The following BRINP1 variants were observed in gnomAD, a reference collection of about 807,000 sequenced individuals.
The protein encoded by BRINP1 is BMP/retinoic acid-inducible neural-specific protein 1.
Under a neutral mutation model 72.9 loss-of-function variants are expected in BRINP1, and 17 were observed. The ratio of observed to expected loss-of-function variants is 0.23; its 90% CI spans 0.16 to 0.35. The LOEUF (loss-of-function observed/expected upper bound fraction) is 0.35. BRINP1 is among the 10% of genes least tolerant of loss of function. The pLI is 1.00. For missense variants in BRINP1, 850 were observed against 1,001.6 expected (o/e 0.85, Z 2.04); for synonymous variants, 418 against 378.5 (o/e 1.10, Z -1.21).
At chr9:119,183,916 T>C (rs568170657) in intron 7 of BRINP1, among the ~76,000 whole-genome samples, 32 of 152,230 alleles carry the variant, frequency 2.1e-4, no homozygotes, top group African/African-American at 6.5e-4. Context: ...CGTGAGTTTG[T>C]TGGCAGGACG....
At chr9:119,218,767 C>A in intron 5 of BRINP1, among the ~76,000 whole-genome samples, 1 of 110,854 alleles carries the variant, frequency 9.0e-6, no homozygotes. Flanking sequence ...TTTTTTTTGG[C>A]TATGAGGTTG....
intron 2 of BRINP1, among the ~76,000 whole-genome samples, chr9:119,296,213 T>C (rs1411897087): frequency 6.6e-6 from 1 of 152,136 alleles, no homozygotes; most frequent in African/African-American, 2.4e-5. Flanking sequence ...AATAACTCGA[T>C]GTAAAAATGG....
At chr9:119,169,468 C>A (rs997719775) in intron 7 of BRINP1, among the ~76,000 whole-genome samples, 4 of 152,244 alleles carry the variant, frequency 2.6e-5, no homozygotes, top group African/African-American at 7.2e-5. Flanking sequence ...CCGCACCTGG[C>A]TCGGAGGGTC....
chr9:119,301,956 A>T (rs1446250119), intron 2 of BRINP1, among the ~76,000 whole-genome samples: 1 of 152,196 alleles, frequency 6.6e-6, no homozygotes, highest in African/African-American at 2.4e-5. Flanking sequence ...AACAGAAGTG[A>T]TCTTTGTAAG....
intron 7 of BRINP1, among the ~76,000 whole-genome samples, chr9:119,172,512 C>T (rs1213305646): frequency 1.3e-5 from 2 of 151,512 alleles, no homozygotes; most frequent in Admixed American, 1.3e-4. Context: ...CAAAAAGAGT[C>T]CAGGACCAGA....
intron 1 of BRINP1, among the ~76,000 whole-genome samples, chr9:119,366,512 G>A (rs879838300): frequency 0.27 from 5,403 of 19,752 alleles, 316 homozygotes; most frequent in South Asian, 0.5. Context: ...CCGTGTGTGT[G>A]TGTGTGTGTG....
intron 5 of BRINP1, among the ~76,000 whole-genome samples, chr9:119,226,924 C>A (rs930170791): frequency 1.3e-5 from 2 of 151,930 alleles, no homozygotes; most frequent in African/African-American, 4.8e-5. Context: ...AGAATACCAG[C>A]ACTGAGTGGA....
intron 2 of BRINP1, among the ~76,000 whole-genome samples, chr9:119,311,420 A>G (rs1157791364): frequency 1.3e-5 from 2 of 152,244 alleles, no homozygotes; most frequent in South Asian, 4.1e-4. Context: ...TAAATCATAC[A>G]TGAAATCTTA....
At position 119,205,218 on chromosome 9, in the gene BRINP1, C is replaced by T. The variant is rs1441795238; in HGVS notation, c.1145+3501G>A. 2.0e-5 allele frequency among the ~76,000 whole-genome samples: 3 copies of T among 152,264 alleles called. No individual in the cohort carries two copies. The East Asian group carries it at 5.8e-4, about 29-fold the overall frequency. On this transcript the variant is annotated intron_variant, in intron 7 of 7. Transcript: ENST00000265922. Reference sequence around the variant, plus strand: ...AGGAAGTTCATCTCTCCTGGGAAGGCTTCAGAGGAATTAGCCACAGAGCCT... The same window carrying T: ...AGGAAGTTCATCTCTCCTGGGAAGGTTTCAGAGGAATTAGCCACAGAGCCT...
chr9:119,280,531 A>G (rs528246862), intron 2 of BRINP1, among the ~76,000 whole-genome samples: 109 of 152,072 alleles, frequency 7.2e-4, no homozygotes, highest in African/African-American at 2.5e-3. Flanking sequence ...GGTGTGAGCT[A>G]CCGCACCCAG....
chr9:119,168,177 T>TTAC lies in BRINP1; in HGVS notation c.1190_1192dup (p.Cys397_Asn398insSer). On this transcript the variant is annotated inframe_insertion, in exon 8 of 8. Coordinates refer to ENST00000265922, the MANE Select transcript of BRINP1 (RefSeq NM_014618.3). ...GAAGGTTCCCCAAAACCCATTCTCA[T>TTAC]TACAGTAGAGGAGTGACTGGACCCT... 6.4e-7 allele frequency: 1 copy of TTAC among 1,566,648 alleles called. No homozygotes were observed. Among genetic ancestry groups the TTAC allele is most frequent in the Non-Finnish European group, 8.7e-7 (1 of 1,155,014 alleles).
chr9:119,302,822 T>C (rs1037150032), intron 2 of BRINP1, among the ~76,000 whole-genome samples: 1 of 152,108 alleles, frequency 6.6e-6, no homozygotes, highest in African/African-American at 2.4e-5. Context: ...TTTTGCACTA[T>C]TACTCCATTT....
chr9:119,276,772 A>G (rs1830661403), intron 2 of BRINP1, among the ~76,000 whole-genome samples: 1 of 152,118 alleles, frequency 6.6e-6, no homozygotes, highest in African/African-American at 2.4e-5. Flanking sequence ...TTCCTTCCAA[A>G]GCAGATTTAA....
intron 1 of BRINP1, among the ~76,000 whole-genome samples, chr9:119,341,593 G>A (rs749840897): frequency 2.0e-5 from 3 of 152,102 alleles, no homozygotes; most frequent in Non-Finnish European, 2.9e-5. Flanking sequence ...TACAGTGTGC[G>A]GTGATGCCAG....
rs771737447 is a variant in BRINP1, at chr9:119,213,983, C to T, written c.858G>A (p.Met286Ile). 1.2e-6 allele frequency: 2 copies of T among 1,614,212 alleles called. No individual in the cohort carries two copies. Among genetic ancestry groups the T allele is most frequent in the Non-Finnish European group, 1.7e-6 (2 of 1,180,034 alleles). ...CNCPITDIQI[M>I]EYTLANMAKS... is the part of the protein sequence containing the mutation. The stretch of plus-strand genomic sequence containing the variant: ...TGGCCATGTTGGCCAGCGTGTACTC[C>T]ATGATCTGGATGTCCGTGATGGGGC... Residue 286 changes from methionine to isoleucine, a missense_variant, in exon 6 of 8, where the codon ATG (methionine) becomes ATA (isoleucine). Met to Ile is a conservative substitution (Grantham distance 10, BLOSUM62 1). Transcript: ENST00000265922.
chr9:119,260,637 C>CATAT (rs1830486383), intron 2 of BRINP1, among the ~76,000 whole-genome samples: 1 of 152,230 alleles, frequency 6.6e-6, no homozygotes, highest in Non-Finnish European at 1.5e-5. Context: ...TGTTTACCCA[C>CATAT]ATAGCCTTCT....
At chr9:119,321,525 C>T (rs1176047127) in intron 1 of BRINP1, among the ~76,000 whole-genome samples, 1 of 152,134 alleles carries the variant, frequency 6.6e-6, no homozygotes, top group Non-Finnish European at 1.5e-5. Flanking sequence ...CAGGGTCTCA[C>T]TCTATTTCCC....
At chr9:119,367,228 A>ATATATATATATATATATATATATATC (rs1831703950) in intron 1 of BRINP1, among the ~76,000 whole-genome samples, 2 of 136,830 alleles carry the variant, frequency 1.5e-5, no homozygotes, top group Admixed American at 7.4e-5. Context: ...ATTGATATAT[A>ATATATATATATATATATATATATATC]TATATATATA....
intron 2 of BRINP1, among the ~76,000 whole-genome samples, chr9:119,310,546 A>C (rs971144362): frequency 3.9e-5 from 6 of 152,130 alleles, no homozygotes; most frequent in Admixed American, 2.0e-4. Flanking sequence ...TAACCTAGTT[A>C]AATAAGGAGA....
Sources: gnomAD v4.1 joint callset for allele counts (sites outside exome capture counted in the v4.1 genomes callset) on GRCh38, gnomAD v4.1.1 for gene constraint, MANE v1.5 for transcripts, NCBI Gene and HGNC (gene_info 2026-07-23, HGNC 2026-07-21) for gene names.